Variants in GPHN observed in about 807,000 individuals in gnomAD.
GPHN encodes gephyrin.
Under a neutral mutation model 95.5 loss-of-function variants are expected in GPHN, and 17 were observed. That is an observed-to-expected ratio of 0.18 (90% CI 0.12 to 0.27). The LOEUF (loss-of-function observed/expected upper bound fraction) is 0.27. Ranked by LOEUF, GPHN falls within the 10% of genes least tolerant of loss-of-function variation. The pLI is 1.00. For synonymous variants in GPHN, 320 were observed against 322.5 expected, an observed-to-expected ratio of 0.99 and a Z score of 0.08; for missense variants, 660 against 978.1, an observed-to-expected ratio of 0.67 and a Z score of 4.34.
chr14:67,602,377 T>C, the GPHN span, among the ~76,000 whole-genome samples: 2 of 152,204 alleles, frequency 1.3e-5, no homozygotes, highest in African/African-American at 4.8e-5. Flanking sequence ...CAAGTGGAGA[T>C]TACAATTTGA....
the GPHN span, among the ~76,000 whole-genome samples, chr14:67,513,889 A>C: frequency 3.9e-5 from 6 of 152,158 alleles, no homozygotes; most frequent in Non-Finnish European, 8.8e-5. Flanking sequence ...CTGGAGACAT[A>C]AGGCCAAGCA....
At chr14:66,765,572 G>C (rs568711612) in intron 2 of GPHN, among the ~76,000 whole-genome samples, 1 of 152,268 alleles carries the variant, frequency 6.6e-6, no homozygotes, top group South Asian at 2.1e-4. Flanking sequence ...AGTACACATG[G>C]ATTCAAAGAC....
chr14:66,907,485 A>G (rs1169739822), intron 5 of GPHN, among the ~76,000 whole-genome samples: 3 of 152,212 alleles, frequency 2.0e-5, no homozygotes, highest in Non-Finnish European at 2.9e-5. Flanking sequence ...ACTATTTGAT[A>G]TGAAGTAGAA....
At chr14:66,595,647 A>G (rs1022537773) in intron 1 of GPHN, among the ~76,000 whole-genome samples, 4 of 152,148 alleles carry the variant, frequency 2.6e-5, no homozygotes, top group Non-Finnish European at 5.9e-5. Context: ...TACTGCAAGC[A>G]GCTTCCATGG....
intron 1 of GPHN, among the ~76,000 whole-genome samples, chr14:66,582,244 A>G (rs1459230401): frequency 1.3e-5 from 2 of 152,146 alleles, no homozygotes; most frequent in Non-Finnish European, 2.9e-5. Context: ...TGCAACATTT[A>G]TAAATTTGCA....
chr14:67,473,139 G>A, the GPHN span: 1 of 458,330 alleles, frequency 2.2e-6, no homozygotes, highest in East Asian at 4.1e-5. The surrounding 1 kb of genome is among the most constrained non-coding windows in gnomAD (Gnocchi z 6.5). Context: ...ATAGTCCATC[G>A]CTGCTCAGCC....
intron 10 of GPHN, among the ~76,000 whole-genome samples, chr14:67,052,296 G>T (rs1248390688): frequency 6.6e-6 from 1 of 150,970 alleles, no homozygotes; most frequent in Admixed American, 6.6e-5. Context: ...AAAACCAGGG[G>T]TTGCAATCCT....
chr14:67,356,183 G>A, the GPHN span, among the ~76,000 whole-genome samples: 2 of 152,088 alleles, frequency 1.3e-5, no homozygotes, highest in Non-Finnish European at 2.9e-5. Flanking sequence ...ACTTTGGGAG[G>A]CCGAGGCAGG....
the GPHN span, among the ~76,000 whole-genome samples, chr14:67,249,120 G>C: frequency 6.6e-6 from 1 of 152,056 alleles, no homozygotes; most frequent in African/African-American, 2.4e-5. Context: ...CCGCCATCAT[G>C]CCTGGCTAAT....
intron 10 of GPHN, among the ~76,000 whole-genome samples, chr14:67,036,501 G>GCGCACACACACACACA (rs1555469785): frequency 4.2e-5 from 5 of 118,148 alleles, no homozygotes; most frequent in East Asian, 2.7e-4. Flanking sequence ...ATACATACAT[G>GCGCACACACACACACA]CACACACACA....
intron 2 of GPHN, among the ~76,000 whole-genome samples, chr14:66,742,287 A>G (rs1220655309): frequency 2.0e-5 from 3 of 152,198 alleles, no homozygotes; most frequent in African/African-American, 7.2e-5. Flanking sequence ...TTGTTACACT[A>G]TTTTATCCAT....
At chr14:67,135,705 T>C (rs2080038803) in intron 17 of GPHN, among the ~76,000 whole-genome samples, 1 of 152,132 alleles carries the variant, frequency 6.6e-6, no homozygotes, top group South Asian at 2.1e-4. Flanking sequence ...TTTTTTTAAA[T>C]CAATCTTGGC....
chr14:66,666,388 G>A (rs1039983370), intron 1 of GPHN, among the ~76,000 whole-genome samples: 7 of 150,952 alleles, frequency 4.6e-5, no homozygotes, highest in African/African-American at 1.7e-4. Context: ...TTACTGTATT[G>A]GATTAAATAA....
the GPHN span, among the ~76,000 whole-genome samples, chr14:67,359,010 C>T: frequency 6.6e-6 from 1 of 152,216 alleles, no homozygotes; most frequent in Non-Finnish European, 1.5e-5. Flanking sequence ...ATCTACTTTA[C>T]AGCGTGATGA....
At chr14:67,249,951 C>G in the GPHN span, among the ~76,000 whole-genome samples, 1 of 152,136 alleles carries the variant, frequency 6.6e-6, no homozygotes, top group Non-Finnish European at 1.5e-5. Context: ...TATTTAGATA[C>G]TCATTTTTGT....
intron 2 of GPHN, among the ~76,000 whole-genome samples, chr14:66,762,793 A>G (rs1357323283): frequency 6.6e-6 from 1 of 152,146 alleles, no homozygotes; most frequent in Non-Finnish European, 1.5e-5. Context: ...TGGTGGCCAC[A>G]TTTACCAAAA....
At chr14:66,738,894 G>A (rs1033408695) in intron 2 of GPHN, among the ~76,000 whole-genome samples, 3 of 151,940 alleles carry the variant, frequency 2.0e-5, no homozygotes, top group Admixed American at 1.3e-4. Flanking sequence ...ATAATACCAG[G>A]AAATTGATTA....
Position 66,723,318 on chromosome 14 carries a change from T to C in GPHN, c.143+42133T>C, listed in dbSNP as rs539891345. Among the ~76,000 whole-genome samples the C allele has an allele frequency of 4.2e-3, 643 of 151,460 alleles. 10 individuals carry two copies. Among genetic ancestry groups the C allele is most frequent in the African/African-American group, 0.015 (604 of 41,484 alleles). On this transcript the variant is annotated intron_variant, in intron 2 of 22. Coordinates refer to ENST00000478722, the MANE Select transcript of GPHN (RefSeq NM_020806.5). ...AATATAAACTTTTATAAATTATATT[T>C]ATAAAAGGTTATAACCTTTTGGTTA...
the GPHN span, chr14:67,592,612 T>A: frequency 7.1e-7 from 1 of 1,418,172 alleles, no homozygotes; most frequent in South Asian, 1.2e-5. Context: ...AATTGGAGAA[T>A]GGTAAAAGTA....
Sources: gnomAD v4.1 joint callset for allele counts (sites outside exome capture counted in the v4.1 genomes callset) on GRCh38, gnomAD v4.1.1 for gene constraint, Gnocchi (gnomAD v3.1) non-coding constraint, MANE v1.5 for transcripts, NCBI Gene and HGNC (gene_info 2026-07-23, HGNC 2026-07-21) for gene names.